Variants in CEP83 observed in about 807,000 individuals in gnomAD.
The protein encoded by CEP83 is centrosomal protein 83.
In CEP83, 70 loss-of-function variants were observed where a neutral mutation model predicts 101.9. That is an observed-to-expected ratio of 0.69 (90% CI 0.57 to 0.84). The LOEUF is 0.84. Among genes scored for constraint, CEP83 ranks in the 40% least tolerant of loss-of-function variants. The probability of loss-of-function intolerance (pLI) is 0.00; values close to 1 mark genes in which losing one functional copy is unlikely to be tolerated. For missense variants in CEP83, 715 were observed against 787.2 expected (o/e 0.91, Z 1.10); for synonymous variants, 264 against 267.9 (o/e 0.99, Z 0.14).
intron 11 of CEP83, among the ~76,000 whole-genome samples, chr12:94,355,537 TA>T (rs1446069058): frequency 6.6e-6 from 1 of 151,988 alleles, no homozygotes; most frequent in Non-Finnish European, 1.5e-5. Flanking sequence ...CCAAAGTTAG[TA>T]GAGAGAACTA....
chr12:94,436,008 G>C (rs900648207), intron 1 of CEP83, among the ~76,000 whole-genome samples: 1 of 151,812 alleles, frequency 6.6e-6, no homozygotes, highest in Non-Finnish European at 1.5e-5. Flanking sequence ...TGGCTCCTAG[G>C]AAGCCCCATC....
intron 6 of CEP83, among the ~76,000 whole-genome samples, chr12:94,392,327 T>C (rs143465935): frequency 6.6e-6 from 1 of 152,300 alleles, no homozygotes; most frequent in East Asian, 1.9e-4. Flanking sequence ...ACCTCATGAT[T>C]AACAAACTCA....
chr12:94,322,035 G>A (rs2058767476), intron 14 of CEP83, among the ~76,000 whole-genome samples: 1 of 152,146 alleles, frequency 6.6e-6, no homozygotes, highest in Non-Finnish European at 1.5e-5. Flanking sequence ...TTCTCTCTGG[G>A]AACTCTGTCC....
At chr12:94,454,907 C>T (rs2067547281) in intron 1 of CEP83, among the ~76,000 whole-genome samples, 1 of 152,222 alleles carries the variant, frequency 6.6e-6, no homozygotes, top group South Asian at 2.1e-4. Flanking sequence ...GGACGCGCCA[C>T]CTTTAAGAGC....
At chr12:94,338,902 A>G (rs2059562364) in intron 11 of CEP83, among the ~76,000 whole-genome samples, 1 of 152,170 alleles carries the variant, frequency 6.6e-6, no homozygotes, top group South Asian at 2.1e-4. Context: ...GTCAACCGTA[A>G]GGATCATGGT....
At chr12:94,287,444 T>C in the CEP83 span, among the ~76,000 whole-genome samples, 1 of 152,256 alleles carries the variant, frequency 6.6e-6, no homozygotes, top group South Asian at 2.1e-4. Flanking sequence ...TTCCTCTCAC[T>C]CGCACCCTGC....
At chr12:94,285,656 G>A in the CEP83 span, among the ~76,000 whole-genome samples, 1 of 152,236 alleles carries the variant, frequency 6.6e-6, no homozygotes, top group African/African-American at 2.4e-5. Flanking sequence ...GGAAAAACAC[G>A]GCCCCAGAGG....
At chr12:94,368,755 C>T (rs958097318) in intron 9 of CEP83, 4 of 152,154 alleles carry the variant, frequency 2.6e-5, no homozygotes, top group African/African-American at 9.7e-5. Flanking sequence ...TCACATCTAA[C>T]TCAAAGTGAA....
intron 11 of CEP83, among the ~76,000 whole-genome samples, chr12:94,366,036 T>A (rs2061009459): frequency 1.3e-5 from 2 of 152,002 alleles, no homozygotes; most frequent in South Asian, 4.1e-4. Flanking sequence ...GAGATTAATC[T>A]CACATGGGGC....
Position 94,375,912 on chromosome 12 carries a change from G to T in CEP83, c.907C>A (p.Arg303=), listed in dbSNP as rs757301110. ...TTACTGGACAATGTATTTATTTCTCGTTCAGCTTTATGCAATTTATTAATT... is the reference window on the plus strand; with the variant it reads ...TTACTGGACAATGTATTTATTTCTCTTTCAGCTTTATGCAATTTATTAATT... ...FLINKLHKAE[R]EINTLSSKVK... Residue 303 remains arginine, a synonymous_variant, in exon 8 of 17, where the codon CGA becomes AGA. Coordinates refer to ENST00000397809, the MANE Select transcript of CEP83 (RefSeq NM_016122.3). The T allele has an allele frequency of 1.3e-6, 2 of 1,503,344 alleles. No homozygotes were observed. The highest frequency in any genetic ancestry group is 1.4e-5 in the African/African-American group (1 of 71,552). The allele number at this position is 1,503,344 out of a possible 1,614,324, so 93.1% of individuals were successfully genotyped here.
chr12:94,393,525 A>C (rs2366435), intron 6 of CEP83, among the ~76,000 whole-genome samples: 15,194 of 152,248 alleles, frequency 0.1, 898 homozygotes, highest in Admixed American at 0.15. Context: ...TATCATACTG[A>C]ATGGGCAAAA....
At chr12:94,290,223 CAG>C in the CEP83 span, among the ~76,000 whole-genome samples, 1 of 152,230 alleles carries the variant, frequency 6.6e-6, no homozygotes, top group South Asian at 2.1e-4. Flanking sequence ...GGCTTAGAAA[CAG>C]AGCATATCCA....
At chr12:94,413,195 T>C (rs2064019146) in intron 2 of CEP83, among the ~76,000 whole-genome samples, 1 of 152,240 alleles carries the variant, frequency 6.6e-6, no homozygotes, top group African/African-American at 2.4e-5. Flanking sequence ...TCTCAGATTT[T>C]AATTTGTTCA....
At chr12:94,333,394 T>A in intron 13 of CEP83, 88 bp downstream of exon 13, 1 of 1,177,850 alleles carries the variant, frequency 8.5e-7, no homozygotes, top group Non-Finnish European at 1.2e-6. Flanking sequence ...GTTTCTAAAA[T>A]ATAATCAACA....
rs548131788 is a variant in CEP83, at chr12:94,337,076, C to T, written c.1344-1412G>A. ...AACTTAGGCCCTAAGTATATCCTAG[C>T]TCCAGTTGAGAATCTGGATACAATT... On this transcript the variant is annotated intron_variant, in intron 11 of 16. Transcript: ENST00000397809. Among the ~76,000 whole-genome samples the T allele has an allele frequency of 1.7e-4, 26 of 152,298 alleles. No individual in the cohort carries two copies. In the East Asian group the frequency reaches 5.0e-3, roughly 29 times the overall value.
chr12:94,422,184 A>G (rs2064810031), intron 2 of CEP83, among the ~76,000 whole-genome samples: 2 of 152,174 alleles, frequency 1.3e-5, no homozygotes, highest in African/African-American at 4.8e-5. Flanking sequence ...TTGCTAGCCA[A>G]TCAGGACAAG....
the CEP83 span, among the ~76,000 whole-genome samples, chr12:94,269,430 A>G: frequency 6.6e-6 from 1 of 152,238 alleles, no homozygotes; most frequent in Non-Finnish European, 1.5e-5. Flanking sequence ...TTTTGGGACA[A>G]TTACGTTTAA....
At chr12:94,436,087 C>A (rs1287736947) in intron 1 of CEP83, among the ~76,000 whole-genome samples, 2 of 151,954 alleles carry the variant, frequency 1.3e-5, no homozygotes, top group Admixed American at 1.3e-4. Flanking sequence ...ATCTGAACAG[C>A]AGTCCTTCAG....
the CEP83 span, among the ~76,000 whole-genome samples, chr12:94,270,487 G>T: frequency 6.6e-6 from 1 of 152,098 alleles, no homozygotes; most frequent in African/African-American, 2.4e-5. Context: ...CCACAAACAG[G>T]TTGGCCTCTT....
Sources: gnomAD v4.1 joint callset for allele counts (sites outside exome capture counted in the v4.1 genomes callset) on GRCh38, gnomAD v4.1.1 for gene constraint, MANE v1.5 for transcripts, NCBI Gene and HGNC (gene_info 2026-07-23, HGNC 2026-07-21) for gene names.